The following WARS2 variants were observed in gnomAD, a reference collection of about 807,000 sequenced individuals.
The protein encoded by WARS2 is tryptophanyl tRNA synthetase 2, mitochondrial.
Under a neutral mutation model 36.5 loss-of-function variants are expected in WARS2, and 28 were observed. The ratio of observed to expected loss-of-function variants is 0.77; its 90% CI spans 0.57 to 1.05. WARS2 has a LOEUF of 1.05. Ranked by LOEUF, WARS2 falls within the 50% of genes least tolerant of loss-of-function variation. WARS2 has a pLI of 0.00. For missense variants in WARS2, 435 were observed against 456.8 expected (o/e 0.95, Z 0.44); for synonymous variants, 174 against 178.4 (o/e 0.98, Z 0.20).
At chr1:119,034,857 C>T (rs534967989) in intron 4 of WARS2, among the ~76,000 whole-genome samples, 1 of 152,124 alleles carries the variant, frequency 6.6e-6, no homozygotes, top group Non-Finnish European at 1.5e-5. Flanking sequence ...ACATGAAATA[C>T]ACTGACATTT....
At position 119,085,804 on chromosome 1, in the gene WARS2, C is replaced by A. The variant is rs1571337790; in HGVS notation, c.91-9197G>T. On this transcript the variant is annotated intron_variant, in intron 1 of 5. Coordinates refer to ENST00000235521, the MANE Select transcript of WARS2 (RefSeq NM_015836.4). ...TACTGTGAGAACACACAGATGATGT[C>A]CCCTTCAGTCAGCTCATAAGGAAGC... is the stretch of plus-strand genomic sequence containing the variant. 6.8e-6 allele frequency: 11 copies of A among 1,608,834 alleles called. No homozygotes were observed. In the East Asian group the frequency reaches 2.0e-4, roughly 29 times the overall value.
chr1:119,053,783 C>T (rs940770924), intron 2 of WARS2, among the ~76,000 whole-genome samples: 1 of 152,164 alleles, frequency 6.6e-6, no homozygotes, highest in African/African-American at 2.4e-5. Flanking sequence ...CGGTGGCTCA[C>T]CCCACTAATG....
At chr1:119,095,042 T>G (rs1653325396) in intron 1 of WARS2, among the ~76,000 whole-genome samples, 1 of 152,144 alleles carries the variant, frequency 6.6e-6, no homozygotes, top group Non-Finnish European at 1.5e-5. Context: ...ACAGATTAAT[T>G]TTCTTTTGGA....
intron 4 of WARS2, among the ~76,000 whole-genome samples, chr1:119,036,498 G>T (rs1448923831): frequency 1.3e-5 from 2 of 152,158 alleles, no homozygotes; most frequent in Admixed American, 1.3e-4. Flanking sequence ...GACATGCAGA[G>T]GTCACCTTGA....
At chr1:119,128,795 G>A (rs890093693) in intron 1 of WARS2, among the ~76,000 whole-genome samples, 1 of 152,056 alleles carries the variant, frequency 6.6e-6, no homozygotes, top group African/African-American at 2.4e-5. Flanking sequence ...CACATGGTTG[G>A]TAAGCATCTG....
Position 119,140,549 on chromosome 1 carries a change from G to C in WARS2, c.90+6C>G. 6.2e-7 allele frequency: 1 copy of C among 1,612,594 alleles called. No homozygotes were observed. Among genetic ancestry groups the C allele is most frequent in the Non-Finnish European group, 8.5e-7 (1 of 1,178,890 alleles). On this transcript the variant is annotated splice_donor_region_variant and intron_variant, in intron 1 of 5. Coordinates refer to ENST00000235521, the MANE Select transcript of WARS2 (RefSeq NM_015836.4). ...AGCCGCGGAGGGAAGGGCCGTCTTT[G>C]GTTACCTGGAGAGCGGGAGCAGCTG...
At chr1:119,133,546 G>A (rs587732014) in intron 1 of WARS2, among the ~76,000 whole-genome samples, 2 of 152,216 alleles carry the variant, frequency 1.3e-5, no homozygotes, top group East Asian at 3.9e-4. Flanking sequence ...CTATAAAATA[G>A]GGCTAATAGC....
At chr1:119,102,246 T>C (rs1284329707) in intron 1 of WARS2, among the ~76,000 whole-genome samples, 1 of 152,216 alleles carries the variant, frequency 6.6e-6, no homozygotes, top group Non-Finnish European at 1.5e-5. Context: ...CCAGTTGTGA[T>C]TGTGCCAAGC....
chr1:119,074,981 G>A (rs1651615055), intron 2 of WARS2, among the ~76,000 whole-genome samples: 1 of 152,066 alleles, frequency 6.6e-6, no homozygotes, highest in Non-Finnish European at 1.5e-5. Flanking sequence ...GCAGACACTA[G>A]AGACTCCAAA....
At chr1:119,039,900 C>T (rs984301224) in intron 4 of WARS2, among the ~76,000 whole-genome samples, 3 of 152,094 alleles carry the variant, frequency 2.0e-5, no homozygotes, top group African/African-American at 7.2e-5. Flanking sequence ...ATCCACCCTT[C>T]AATCTACCAT....
At chr1:119,138,068 C>CTTGGTTTTTGATGGAACCA (rs1553183629) in intron 1 of WARS2, among the ~76,000 whole-genome samples, 1 of 152,132 alleles carries the variant, frequency 6.6e-6, no homozygotes, top group Non-Finnish European at 1.5e-5. Context: ...TTGGCTATTT[C>CTTGGTTTTTGATGGAACCA]TTGGTTTTTG....
In WARS2 at chr1:119,034,078, A is replaced by G. The variant is rs548046320; in HGVS notation, c.634+17T>C. ...TAGAATATACCCTGATGTAACAATT[A>G]TAAGTTTCTTACTTACTGAGAATGG... On this transcript the variant is annotated intron_variant, in intron 5 of 5. Coordinates refer to ENST00000235521, the MANE Select transcript of WARS2 (RefSeq NM_015836.4). 5 of 1,599,304 alleles carry G rather than the reference A, an allele frequency of 3.1e-6. No homozygotes were observed. The highest frequency in any genetic ancestry group is 1.7e-4 in the Middle Eastern group (1 of 6,034).
intron 4 of WARS2, among the ~76,000 whole-genome samples, chr1:119,038,962 G>A (rs1389930430): frequency 1.3e-5 from 2 of 152,170 alleles, no homozygotes; most frequent in African/African-American, 2.4e-5. Flanking sequence ...GATTACAGGC[G>A]TGAGCCACTG....
chr1:119,127,941 C>T (rs1655791545), intron 1 of WARS2, among the ~76,000 whole-genome samples: 1 of 152,170 alleles, frequency 6.6e-6, no homozygotes, highest in Non-Finnish European at 1.5e-5. Context: ...CAATTGGGAT[C>T]GTCAAAAGAG....
chr1:119,077,140 A>AAAAAAAAAAAAG, intron 1 of WARS2, among the ~76,000 whole-genome samples: 1 of 151,538 alleles, frequency 6.6e-6, no homozygotes, highest in Non-Finnish European at 1.5e-5. Flanking sequence ...CCCGTCTCAA[A>AAAAAAAAAAAAG]AAAAAAAAGG....
chr1:119,084,251 T>C (rs1490416190), intron 1 of WARS2, among the ~76,000 whole-genome samples: 3 of 151,816 alleles, frequency 2.0e-5, no homozygotes, highest in African/African-American at 7.3e-5. Context: ...AGGAAGTCAG[T>C]TGGTGGTTGC....
chr1:119,071,289 C>G (rs999861738), intron 2 of WARS2, among the ~76,000 whole-genome samples: 1 of 152,078 alleles, frequency 6.6e-6, no homozygotes, highest in Non-Finnish European at 1.5e-5. Flanking sequence ...ATGGTGGTTC[C>G]TCAAAAAAAT....
In WARS2 at chr1:119,076,406, C is replaced by G. The variant is rs1241694973; in HGVS notation, c.292G>C (p.Val98Leu). The G allele has an allele frequency of 6.2e-7, 1 of 1,613,934 alleles. No homozygotes were observed. The highest frequency in any genetic ancestry group is 8.5e-7 in the Non-Finnish European group (1 of 1,180,026). ...GGGTTTATGCCACAGGCAAGAAGAA[C>G]AGCAGTCATGTCCAGGATGCTCTGC... ...LRQSILDMTA[V>L]LLACGINPEK... Residue 98 changes from valine to leucine, a missense_variant, in exon 2 of 6, where the codon GTT becomes CTT. Physicochemically the swap from Val to Leu is conservative, Grantham distance 32. Coordinates refer to ENST00000235521, the MANE Select transcript of WARS2 (RefSeq NM_015836.4).
intron 1 of WARS2, chr1:119,126,540 C>T (rs1451940478): frequency 3.7e-6 from 2 of 535,346 alleles, no homozygotes; most frequent in South Asian, 2.0e-5. Flanking sequence ...GTCTGAACTT[C>T]AGACAGATTC....
Sources: allele counts gnomAD v4.1 joint callset (sites outside exome capture counted in the v4.1 genomes callset), GRCh38; gene constraint gnomAD v4.1.1; transcripts MANE v1.5; gene names NCBI Gene and HGNC (gene_info 2026-07-23, HGNC 2026-07-21).